MEGF10: variants seen among roughly 807,000 people sequenced by gnomAD.
MEGF10 encodes multiple epidermal growth factor-like domains protein 10.
In MEGF10, 86 loss-of-function variants were observed where a neutral mutation model predicts 147.5. The ratio of observed to expected loss-of-function variants is 0.58; its 90% CI spans 0.49 to 0.70. The LOEUF is 0.70. Ranked by LOEUF, MEGF10 falls within the 30% of genes least tolerant of loss-of-function variation. The pLI is 0.00. For synonymous variants in MEGF10, 478 were observed against 525.5 expected (o/e 0.91, Z 1.24); for missense variants, 1,329 against 1,487.3 (o/e 0.89, Z 1.75).
chr5:127,398,827 G>A (rs1764022501), intron 7 of MEGF10, 31 bp downstream of exon 7: 1 of 1,612,582 alleles, frequency 6.2e-7, no homozygotes, highest in Non-Finnish European at 8.5e-7. Flanking sequence ...CTCTGCCCCT[G>A]CCCCAAAGTC....
chr5:127,279,979 G>C, the MEGF10 span, among the ~76,000 whole-genome samples: 1 of 152,082 alleles, frequency 6.6e-6, no homozygotes, highest in African/African-American at 2.4e-5. Flanking sequence ...GATGAAAATA[G>C]CAATAACTCA....
chr5:127,409,657 G>T (rs1764479339), intron 8 of MEGF10: 1 of 152,444 alleles, frequency 6.6e-6, no homozygotes, highest in Non-Finnish European at 1.5e-5. Flanking sequence ...TTTGAGGGCT[G>T]ATCTTTACTC....
At position 127,410,570 on chromosome 5, in the gene MEGF10, C is replaced by G; in HGVS notation, c.1099C>G (p.Arg367Gly). The G allele has an allele frequency of 6.2e-7, 1 of 1,610,532 alleles. No homozygotes were observed. Among genetic ancestry groups the G allele is most frequent in the South Asian group, 1.1e-5 (1 of 90,934 alleles). Reference protein sequence around the residue: ...EGLYGIKCDKRCPCHLENTHS... With the variant: ...EGLYGIKCDKGCPCHLENTHS... ...GCTCTACGGCATCAAATGTGACAAACGGTGTCCCTGCCACCTGGAAAACAC... is the reference window on the plus strand; with the variant it reads ...GCTCTACGGCATCAAATGTGACAAAGGGTGTCCCTGCCACCTGGAAAACAC... Residue 367 changes from arginine (R) to glycine (G), a missense_variant, in exon 9 of 25, where the codon CGG (arginine) becomes GGG (glycine). Around this residue, in one of 3 missense-constraint regions of MEGF10, gnomAD observed 980 missense variants for 1,085.9 expected, o/e 0.90. Coordinates refer to ENST00000503335, the MANE Select transcript of MEGF10 (RefSeq NM_001256545.2).
At chr5:127,384,100 A>AGGT (rs1378807675) in intron 5 of MEGF10, among the ~76,000 whole-genome samples, 2 of 152,152 alleles carry the variant, frequency 1.3e-5, no homozygotes, top group Non-Finnish European at 2.9e-5. Context: ...CACTGCCCAA[A>AGGT]GGTACATGGA....
chr5:127,279,589 C>T, the MEGF10 span, among the ~76,000 whole-genome samples: 2 of 152,150 alleles, frequency 1.3e-5, no homozygotes, highest in Non-Finnish European at 2.9e-5. Flanking sequence ...CAGTTCCTCC[C>T]ACCGCAGAAA....
chr5:127,341,850 C>T (rs946013421), intron 4 of MEGF10, among the ~76,000 whole-genome samples: 1 of 152,134 alleles, frequency 6.6e-6, no homozygotes, highest in Admixed American at 6.6e-5. Context: ...AATGGTCACA[C>T]AATTTCCAAA....
chr5:127,417,424 G>T (rs1241474390), intron 9 of MEGF10, among the ~76,000 whole-genome samples: 4 of 152,196 alleles, frequency 2.6e-5, no homozygotes, highest in African/African-American at 9.6e-5. Flanking sequence ...TGCTAGAGAT[G>T]ATGCTGATGA....
At chr5:127,244,577 T>C in the MEGF10 span, among the ~76,000 whole-genome samples, 1 of 152,126 alleles carries the variant, frequency 6.6e-6, no homozygotes, top group Non-Finnish European at 1.5e-5. Context: ...CACCATATTC[T>C]GGATAAAGAA....
Position 127,445,553 on chromosome 5 carries a change from T to C in MEGF10, c.2588T>C (p.Ile863Thr). The C allele has an allele frequency of 2.5e-6, 4 of 1,614,092 alleles. No individual in the cohort carries two copies. The highest frequency in any genetic ancestry group is 2.2e-5 in the East Asian group (1 of 44,884). The change falls in exon 20 of 25, where the codon ATC (isoleucine) becomes ACC (threonine). Residue 863 changes from isoleucine (I) to threonine (T), a missense_variant. Around this residue, in one of 3 missense-constraint regions of MEGF10, gnomAD observed 343 missense variants for 377.9 expected, o/e 0.91. Coordinates refer to ENST00000503335, the MANE Select transcript of MEGF10 (RefSeq NM_001256545.2). ...CAGATCGGGGCCATTGCAGGCATCA[T>C]CATTCTTGTCCTAGTTGTTCTCTTC... ...SYQIGAIAGIIILVLVVLFLL... is the reference protein window; with the variant it reads ...SYQIGAIAGITILVLVVLFLL...
At chr5:127,325,067 A>C (rs954065889) in intron 1 of MEGF10, among the ~76,000 whole-genome samples, 1 of 152,188 alleles carries the variant, frequency 6.6e-6, no homozygotes, top group Non-Finnish European at 1.5e-5. Flanking sequence ...CATGGGGATA[A>C]TAGACCTTCT....
chr5:127,246,815 AATAG>A, the MEGF10 span, among the ~76,000 whole-genome samples: 1 of 144,000 alleles, frequency 6.9e-6, no homozygotes, highest in Non-Finnish European at 1.5e-5. Context: ...TATTTAAAAT[AATAG>A]ATAATATATA....
chr5:127,270,646 A>AC, the MEGF10 span, among the ~76,000 whole-genome samples: 12 of 152,176 alleles, frequency 7.9e-5, no homozygotes, highest in African/African-American at 2.6e-4. Context: ...AGACTTTAAC[A>AC]CCCCACTGTC....
chr5:127,293,094 T>C (rs997043333), intron 1 of MEGF10, among the ~76,000 whole-genome samples: 2 of 152,244 alleles, frequency 1.3e-5, no homozygotes, highest in Non-Finnish European at 1.5e-5. Flanking sequence ...AGTTTTATTA[T>C]GTATAAACTT....
At position 127,436,024 on chromosome 5, in the gene MEGF10, C is replaced by A. The variant is rs528106115; in HGVS notation, c.2104+535C>A. ...TAGATGACTCTTAGAGCACCCATGT[C>A]ATGAAAAAAATGACATCGACTATAA... is the stretch of plus-strand genomic sequence containing the variant. On this transcript the variant is annotated intron_variant, in intron 16 of 24. Transcript: ENST00000503335. 2.0e-5 allele frequency among the ~76,000 whole-genome samples: 3 copies of A among 152,134 alleles called. No individual in the cohort carries two copies. In the East Asian group the frequency reaches 5.8e-4, roughly 29 times the overall value.
the MEGF10 span, among the ~76,000 whole-genome samples, chr5:127,252,311 A>G: frequency 6.6e-6 from 1 of 151,614 alleles, no homozygotes; most frequent in African/African-American, 2.4e-5. Flanking sequence ...CTAAAAGTCT[A>G]TGTACAAGAA....
intron 5 of MEGF10, among the ~76,000 whole-genome samples, chr5:127,382,728 T>C (rs886698675): frequency 2.0e-5 from 3 of 152,186 alleles, no homozygotes; most frequent in African/African-American, 7.2e-5. Context: ...TTATAAAATA[T>C]GTAAAGAACC....
chr5:127,455,674 C>T lies in MEGF10; in HGVS notation c.3232+67C>T, dbSNP rs1203309906. 8 of 1,285,638 alleles carry T rather than the reference C, an allele frequency of 6.2e-6. No individual in the cohort carries two copies. The South Asian group carries it at 6.5e-5, about 11-fold the overall frequency. The allele number at this position is 1,285,638 out of a possible 1,614,324, so 79.6% of individuals were successfully genotyped here. On this transcript the variant is annotated intron_variant, in intron 24 of 24. Coordinates refer to ENST00000503335, the MANE Select transcript of MEGF10 (RefSeq NM_001256545.2). ...TTTAAAAACAATTTTAAAGTCTTTACGAATATAATAGTTGCAGGTCATAGA... is the reference window on the plus strand; with the variant it reads ...TTTAAAAACAATTTTAAAGTCTTTATGAATATAATAGTTGCAGGTCATAGA...
chr5:127,329,325 T>C (rs1212097167), intron 1 of MEGF10, among the ~76,000 whole-genome samples: 3 of 152,206 alleles, frequency 2.0e-5, no homozygotes, highest in Non-Finnish European at 4.4e-5. Context: ...TTACACAATA[T>C]CTTTTAATTA....
chr5:127,276,844 G>A, the MEGF10 span, among the ~76,000 whole-genome samples: 1 of 152,166 alleles, frequency 6.6e-6, no homozygotes, highest in South Asian at 2.1e-4. Flanking sequence ...AAAAGAAAAG[G>A]TAGAGCATGG....
Sources: gnomAD v4.1 joint callset for allele counts (sites outside exome capture counted in the v4.1 genomes callset) on GRCh38, gnomAD v4.1.1 for gene constraint, gnomAD v4.1.1 regional missense constraint, MANE v1.5 for transcripts, NCBI Gene and HGNC (gene_info 2026-07-23, HGNC 2026-07-21) for gene names.